Variants in EFNA5 observed in about 807,000 individuals in gnomAD.
EFNA5 encodes ephrin-A5.
EFNA5 carries 5 observed loss-of-function variants against 22.9 expected under a neutral mutation model. That is an observed-to-expected ratio of 0.22 (90% confidence interval 0.11 to 0.46). The LOEUF (loss-of-function observed/expected upper bound fraction) is 0.46. Ranked by LOEUF, EFNA5 falls within the 20% of genes least tolerant of loss-of-function variation. EFNA5 has a pLI of 0.99. For synonymous variants in EFNA5, 113 were observed against 112.2 expected (o/e 1.01, Z -0.04); for missense variants, 237 against 293.3 (o/e 0.81, Z 1.40).
intron 1 of EFNA5, among the ~76,000 whole-genome samples, chr5:107,442,476 C>T (rs1380887202): frequency 6.6e-6 from 1 of 152,166 alleles, no homozygotes; most frequent in Non-Finnish European, 1.5e-5. Context: ...GCAATCCCCT[C>T]AACCCTGCCC....
At chr5:107,454,396 T>C (rs1158431746) in intron 1 of EFNA5, among the ~76,000 whole-genome samples, 2 of 152,214 alleles carry the variant, frequency 1.3e-5, no homozygotes, top group Non-Finnish European at 2.9e-5. Context: ...AATATATATT[T>C]AATCATCCAA....
At chr5:107,533,644 C>A (rs1395156474) in intron 1 of EFNA5, among the ~76,000 whole-genome samples, 1 of 135,662 alleles carries the variant, frequency 7.4e-6, no homozygotes, top group Non-Finnish European at 1.5e-5. Context: ...CTAATTAGAT[C>A]ATTAGATCCA....
chr5:107,635,331 C>A (rs1236856717), intron 1 of EFNA5, among the ~76,000 whole-genome samples: 1 of 152,162 alleles, frequency 6.6e-6, no homozygotes, highest in African/African-American at 2.4e-5. Flanking sequence ...AATGTATATT[C>A]TTGTCTAGGC....
chr5:107,392,501 C>T lies in EFNA5; in HGVS notation c.419-4730G>A, dbSNP rs150216839. 2.7e-4 allele frequency among the ~76,000 whole-genome samples: 41 copies of T among 152,286 alleles called. 1 individual carries two copies. The East Asian group carries it at 6.9e-3, about 26-fold the overall frequency. On this transcript the variant is annotated intron_variant, in intron 2 of 4. Transcript: ENST00000333274. ...ACAAAGAACTGAATTGGCTAACAAT[C>T]GGGTGAGTGAGCTGCAAAGTGAATC...
At chr5:107,580,145 C>A (rs1003889115) in intron 1 of EFNA5, among the ~76,000 whole-genome samples, 1 of 152,274 alleles carries the variant, frequency 6.6e-6, no homozygotes, top group East Asian at 1.9e-4. Flanking sequence ...TTAAAGAGTT[C>A]TTTTCAGTGA....
chr5:107,606,683 T>G (rs956916702), intron 1 of EFNA5, among the ~76,000 whole-genome samples: 1 of 152,042 alleles, frequency 6.6e-6, no homozygotes. Context: ...AATTTCCTCT[T>G]CCATAAAATC....
At chr5:107,431,606 G>A (rs1026846528) in intron 1 of EFNA5, among the ~76,000 whole-genome samples, 1 of 152,172 alleles carries the variant, frequency 6.6e-6, no homozygotes, top group Non-Finnish European at 1.5e-5. Flanking sequence ...GGGGGAGGCA[G>A]AATTCAAACC....
intron 1 of EFNA5, among the ~76,000 whole-genome samples, chr5:107,667,234 A>AT (rs1193336703): frequency 6.6e-6 from 1 of 152,060 alleles, no homozygotes; most frequent in Non-Finnish European, 1.5e-5. Flanking sequence ...ATTTGTGCCA[A>AT]TTCAACACAT....
chr5:107,396,295 C>A, intron 2 of EFNA5, among the ~76,000 whole-genome samples: 1 of 152,170 alleles, frequency 6.6e-6, no homozygotes. Context: ...GAGCCAGCTG[C>A]TTAACGTGCC....
intron 1 of EFNA5, among the ~76,000 whole-genome samples, chr5:107,608,755 C>G (rs765172148): frequency 3.3e-5 from 5 of 152,230 alleles, no homozygotes; most frequent in African/African-American, 4.8e-5. Context: ...CATGTGGCCA[C>G]AGCCTTCACC....
At chr5:107,542,722 A>G (rs953551113) in intron 1 of EFNA5, among the ~76,000 whole-genome samples, 1 of 151,946 alleles carries the variant, frequency 6.6e-6, no homozygotes, top group African/African-American at 2.4e-5. Flanking sequence ...ATATCCAGCA[A>G]CTCTGGCTGG....
chr5:107,434,910 G>A (rs1749065857), intron 1 of EFNA5, among the ~76,000 whole-genome samples: 1 of 152,138 alleles, frequency 6.6e-6, no homozygotes, highest in Admixed American at 6.5e-5. Flanking sequence ...TTAATTACAA[G>A]GCAACCTAAT....
chr5:107,662,478 T>A (rs1184677010), intron 1 of EFNA5, among the ~76,000 whole-genome samples: 1 of 152,140 alleles, frequency 6.6e-6, no homozygotes, highest in African/African-American at 2.4e-5. Flanking sequence ...TAGTATAAAT[T>A]TTTAGTAAAG....
chr5:107,538,948 A>T (rs536016779), intron 1 of EFNA5, among the ~76,000 whole-genome samples: 1 of 152,338 alleles, frequency 6.6e-6, no homozygotes, highest in South Asian at 2.1e-4. Flanking sequence ...TCCGGCTTAT[A>T]CAATTAACAA....
At chr5:107,392,142 G>C (rs1446928296) in intron 2 of EFNA5, among the ~76,000 whole-genome samples, 1 of 152,108 alleles carries the variant, frequency 6.6e-6, no homozygotes, top group Non-Finnish European at 1.5e-5. Context: ...ACATCCCTTC[G>C]GGTACTGCCA....
chr5:107,481,405 T>C (rs1231604036), intron 1 of EFNA5, among the ~76,000 whole-genome samples: 2 of 152,146 alleles, frequency 1.3e-5, no homozygotes, highest in Non-Finnish European at 2.9e-5. Flanking sequence ...TTGAGAAGTT[T>C]GTTATTAAAA....
intron 1 of EFNA5, among the ~76,000 whole-genome samples, chr5:107,621,002 T>C (rs1750024219): frequency 1.3e-5 from 2 of 152,184 alleles, no homozygotes; most frequent in Non-Finnish European, 1.5e-5. Context: ...AAGTAATTTG[T>C]TATGTCTAGA....
intron 2 of EFNA5, 114 bp from the exon 3 acceptor site, chr5:107,387,885 G>A: frequency 1.4e-6 from 1 of 728,858 alleles, no homozygotes; most frequent in Non-Finnish European, 2.2e-6. Context: ...TGAACAACAG[G>A]AACTTTCTCT....
chr5:107,449,359 G>A (rs1005108403), intron 1 of EFNA5, among the ~76,000 whole-genome samples: 3 of 141,916 alleles, frequency 2.1e-5, no homozygotes, highest in East Asian at 2.2e-4. Context: ...CAAAAATATG[G>A]CTAAAACCAT....
Sources: gnomAD v4.1 joint callset for allele counts (sites outside exome capture counted in the v4.1 genomes callset) on GRCh38, gnomAD v4.1.1 for gene constraint, MANE v1.5 for transcripts, NCBI Gene and HGNC (gene_info 2026-07-23, HGNC 2026-07-21) for gene names.